The following PHACTR1 variants were observed in gnomAD, a reference collection of about 807,000 sequenced individuals.
PHACTR1 encodes the protein phosphatase and actin regulator 1, also known as RPEL repeat containing 1.
Under a neutral mutation model 69.2 loss-of-function variants are expected in PHACTR1, and 16 were observed. That is an observed-to-expected ratio of 0.23 (90% CI 0.16 to 0.35). The LOEUF is 0.35. PHACTR1 is among the 10% of genes least tolerant of loss of function. The pLI is 1.00. For synonymous variants in PHACTR1, 312 were observed against 284.5 expected, an observed-to-expected ratio of 1.10 and a Z score of -0.97; for missense variants, 510 against 734.7, an observed-to-expected ratio of 0.69 and a Z score of 3.54.
intron 4 of PHACTR1, among the ~76,000 whole-genome samples, chr6:12,951,756 G>A (rs553647180): frequency 2.2e-4 from 34 of 152,348 alleles, no homozygotes; most frequent in African/African-American, 8.2e-4. Context: ...AGGCTCCAGA[G>A]CCTCCAGAAA....
At chr6:12,797,584 A>G (rs995908957) in intron 4 of PHACTR1, among the ~76,000 whole-genome samples, 1 of 152,216 alleles carries the variant, frequency 6.6e-6, no homozygotes, top group Non-Finnish European at 1.5e-5. Context: ...TGGAGGAGGT[A>G]GCCAGTACAG....
intron 4 of PHACTR1, among the ~76,000 whole-genome samples, chr6:12,790,551 A>G (rs1047207367): frequency 6.6e-6 from 1 of 152,232 alleles, no homozygotes; most frequent in East Asian, 1.9e-4. Flanking sequence ...AATAAAATGT[A>G]AGCTCCTTTA....
intron 4 of PHACTR1, among the ~76,000 whole-genome samples, chr6:12,757,515 G>A (rs1365750907): frequency 6.6e-6 from 1 of 152,136 alleles, no homozygotes; most frequent in Non-Finnish European, 1.5e-5. Context: ...ACTAGAGAGG[G>A]GCACCGAAGA....
chr6:13,115,408 C>T (rs940376581), intron 5 of PHACTR1, among the ~76,000 whole-genome samples: 34 of 152,180 alleles, frequency 2.2e-4, no homozygotes, highest in Admixed American at 1.8e-3. Context: ...CTCTCTCTCT[C>T]ACCACTTATC....
At chr6:12,961,859 C>T (rs551297136) in intron 4 of PHACTR1, among the ~76,000 whole-genome samples, 1 of 152,270 alleles carries the variant, frequency 6.6e-6, no homozygotes, top group South Asian at 2.1e-4. Flanking sequence ...ACGTTCTCAC[C>T]TCATCCTCCC....
At chr6:12,749,444 CA>C in intron 3 of PHACTR1, 199 bp from the exon 4 acceptor site, 1 of 659,822 alleles carries the variant, frequency 1.5e-6, no homozygotes, top group Non-Finnish European at 2.9e-6. Context: ...TCTCTCCCTT[CA>C]CCCCTTTCTC....
At chr6:12,750,100 A>G (rs1408581124) in intron 4 of PHACTR1, among the ~76,000 whole-genome samples, 1 of 152,024 alleles carries the variant, frequency 6.6e-6, no homozygotes, top group East Asian at 2.0e-4. Context: ...GCCCATGCGC[A>G]GGCTGCGGGC....
chr6:13,004,764 G>A (rs974510439), intron 4 of PHACTR1, among the ~76,000 whole-genome samples: 3 of 152,070 alleles, frequency 2.0e-5, no homozygotes, highest in African/African-American at 7.2e-5. Context: ...TTGGAGAGTG[G>A]ATATGTCTGG....
rs899531601 is a variant in PHACTR1, at chr6:12,852,518, C to T, written c.250+102728C>T. On this transcript the variant is annotated intron_variant, in intron 4 of 14. Transcript: ENST00000332995. ...AAGACAGCTCACTTTCCTGGGACTC[C>T]GTTTCTTTCACCTGTCAAACAACAG... Among the ~76,000 whole-genome samples, 13 of 152,264 alleles carry T rather than the reference C, an allele frequency of 8.5e-5. No individual in the cohort carries two copies. In the East Asian group the frequency reaches 2.3e-3, roughly 27 times the overall value.
chr6:13,159,469 C>T (rs1758665347), intron 5 of PHACTR1, among the ~76,000 whole-genome samples: 1 of 152,164 alleles, frequency 6.6e-6, no homozygotes, highest in South Asian at 2.1e-4. Flanking sequence ...GCAGTCCCTC[C>T]TGGGAGGAAG....
intron 3 of PHACTR1, among the ~76,000 whole-genome samples, chr6:12,735,524 T>C (rs747300625): frequency 6.6e-6 from 1 of 152,198 alleles, no homozygotes; most frequent in Non-Finnish European, 1.5e-5. Context: ...ACCTAAACAG[T>C]TTTTGTTAAT....
chr6:13,003,745 C>T (rs1318180075), intron 4 of PHACTR1, among the ~76,000 whole-genome samples: 2 of 151,514 alleles, frequency 1.3e-5, no homozygotes, highest in Non-Finnish European at 2.9e-5. Context: ...CATCCTCCCA[C>T]CCTTCTGAGT....
rs374156442 is a variant in PHACTR1, at chr6:12,718,885, C to G, written c.103+38C>G. The G allele has an allele frequency of 2.2e-6, 3 of 1,362,214 alleles. No homozygotes were observed. In the East Asian group the frequency reaches 7.6e-5, roughly 34 times the overall value. The allele number at this position is 1,362,214 out of a possible 1,614,324, so 84.4% of individuals were successfully genotyped here. On this transcript the variant is annotated intron_variant, in intron 3 of 14. Coordinates refer to ENST00000332995, the MANE Select transcript of PHACTR1 (RefSeq NM_030948.6). Reference sequence around the variant, plus strand: ...GAAAAAGAAATTCCTCTTATTTGCACGTCGGTTTTATATGAACAGCCATGT... The same window carrying G: ...GAAAAAGAAATTCCTCTTATTTGCAGGTCGGTTTTATATGAACAGCCATGT...
intron 4 of PHACTR1, among the ~76,000 whole-genome samples, chr6:12,871,353 T>A (rs1001083018): frequency 5.3e-5 from 8 of 152,338 alleles, no homozygotes; most frequent in Non-Finnish European, 8.8e-5. Flanking sequence ...CTAATAATTT[T>A]ACAAATGGCT....
chr6:13,053,441 G>T lies in PHACTR1; in HGVS notation c.327G>T (p.Arg109Ser). ...VPGTHTPPIR[R>S]RSKFANLGRI... ...GCACCCACACCCCACCCATCCGCAG[G>T]AGAAGTAAGTTTGCCAACCTGGGAA... is the stretch of plus-strand genomic sequence containing the variant. The change falls in exon 5 of 15, where the codon AGG becomes AGT. Residue 109 changes from arginine to serine, a missense_variant. This residue lies in a region of PHACTR1 where 419 missense variants were observed against 530.9 expected (regional missense o/e 0.79). Transcript: ENST00000332995. The T allele has an allele frequency of 6.2e-7, 1 of 1,613,904 alleles. No individual in the cohort carries two copies. The highest frequency in any genetic ancestry group is 1.1e-5 in the South Asian group (1 of 91,054).
At chr6:13,084,455 C>A (rs7762659) in intron 5 of PHACTR1, among the ~76,000 whole-genome samples, 120,792 of 150,686 alleles carry the variant, frequency 0.8, 48,542 homozygotes, top group East Asian at 0.93. Flanking sequence ...GCATACCAAC[C>A]TGGCACATGT....
intron 7 of PHACTR1, among the ~76,000 whole-genome samples, chr6:13,200,056 C>A (rs377311243): frequency 2.6e-5 from 4 of 152,166 alleles, no homozygotes; most frequent in African/African-American, 9.7e-5. Context: ...ATCCCAATGA[C>A]CCCCCAGGAT....
intron 4 of PHACTR1, among the ~76,000 whole-genome samples, chr6:13,016,035 A>G (rs577891652): frequency 3.5e-4 from 54 of 152,304 alleles, no homozygotes; most frequent in African/African-American, 1.2e-3. Context: ...ACTGCCAGAA[A>G]CCAAAGCAGC....
intron 4 of PHACTR1, among the ~76,000 whole-genome samples, chr6:13,031,930 G>T (rs1802510104): frequency 6.6e-6 from 1 of 152,190 alleles, no homozygotes; most frequent in African/African-American, 2.4e-5. Context: ...ACTTACAGAG[G>T]ATGTGGAGAA....
Sources: allele counts gnomAD v4.1 joint callset (sites outside exome capture counted in the v4.1 genomes callset), GRCh38; gene constraint gnomAD v4.1.1; regional missense constraint gnomAD v4.1.1; transcripts MANE v1.5; gene names NCBI Gene and HGNC (gene_info 2026-07-23, HGNC 2026-07-21).